The following ALDH3B2 variants were observed in gnomAD, a reference collection of about 807,000 sequenced individuals.
ALDH3B2 encodes aldehyde dehydrogenase family 3 member B2.
A neutral mutation model predicts 36.7 loss-of-function variants in ALDH3B2; 45 were observed. That is an observed-to-expected ratio of 1.23 (90% CI 0.97 to 1.57). ALDH3B2 has a LOEUF of 1.57. Among genes scored for constraint, ALDH3B2 ranks in the 40% most tolerant of loss-of-function variants. ALDH3B2 has a pLI of 0.00. For synonymous variants in ALDH3B2, 217 were observed against 226.5 expected (o/e 0.96, Z 0.38); for missense variants, 464 against 513.3 (o/e 0.90, Z 0.93).
chr11:67,677,298 C>T (rs146592069), upstream of ALDH3B2, among the ~76,000 whole-genome samples: 86 of 152,102 alleles, frequency 5.7e-4, 1 homozygote, highest in East Asian at 0.016. Context: ...GGTGGTTTAA[C>T]GTAGGAGGGT....
upstream of ALDH3B2, among the ~76,000 whole-genome samples, chr11:67,677,740 A>C (rs146928239): frequency 2.7e-3 from 405 of 152,304 alleles, 1 homozygote; most frequent in Non-Finnish European, 2.4e-3. Context: ...AAACTGATAA[A>C]AGAATTCAGC....
intron 1 of ALDH3B2, among the ~76,000 whole-genome samples, chr11:67,674,082 C>G (rs2279124): frequency 0.73 from 111,305 of 152,206 alleles, 42,496 homozygotes; most frequent in South Asian, 0.9. Context: ...GCCCCCGACC[C>G]AATCCTTGTC....
intron 1 of ALDH3B2, among the ~76,000 whole-genome samples, chr11:67,672,575 A>C (rs1396086678): frequency 6.6e-6 from 1 of 150,610 alleles, no homozygotes; most frequent in Non-Finnish European, 1.5e-5. Context: ...GCACGTCCTC[A>C]ACCTTGGCAA....
intron 1 of ALDH3B2, among the ~76,000 whole-genome samples, chr11:67,673,024 G>A (rs1215813791): frequency 3.4e-5 from 5 of 145,704 alleles, no homozygotes; most frequent in African/African-American, 1.3e-4. Context: ...TCCGCCTCCC[G>A]GGTTCACGTC....
intron 3 of ALDH3B2, 35 bp downstream of exon 3, chr11:67,666,871 G>T (rs770808847): frequency 1.2e-6 from 2 of 1,614,116 alleles, no homozygotes; most frequent in Middle Eastern, 1.7e-4. Context: ...CCGGTGCCCT[G>T]CCCTGCCCTC....
chr11:67,677,249 T>A (rs991156191), upstream of ALDH3B2, among the ~76,000 whole-genome samples: 1 of 151,948 alleles, frequency 6.6e-6, no homozygotes, highest in Non-Finnish European at 1.5e-5. Context: ...AAAAAGATAA[T>A]CCTCCATGAT....
chr11:67,672,148 ATTT>A (rs59262273), intron 1 of ALDH3B2, among the ~76,000 whole-genome samples: 2 of 96,156 alleles, frequency 2.1e-5, no homozygotes, highest in Non-Finnish European at 1.9e-5. Context: ...ATATATATGT[ATTT>A]TTTTTTTTTT....
chr11:67,667,789 G>A (rs1855962403), intron 1 of ALDH3B2, 154 bp from the exon 2 acceptor site: 1 of 184,990 alleles, frequency 5.4e-6, no homozygotes, highest in African/African-American at 2.4e-5. Context: ...CCACTCGAAT[G>A]ACCCCACGGG....
upstream of ALDH3B2, among the ~76,000 whole-genome samples, chr11:67,678,636 C>CATATATATATAT (rs34057662): frequency 8.2e-5 from 12 of 146,702 alleles, no homozygotes; most frequent in African/African-American, 3.0e-4. Context: ...TACTATGGTA[C>CATATATATATAT]ATATATATAT....
At chr11:67,665,222 G>T in intron 7 of ALDH3B2, 63 bp downstream of exon 7, 3 of 1,538,554 alleles carry the variant, frequency 1.9e-6, no homozygotes, top group East Asian at 2.3e-5. Flanking sequence ...TGGCCCAGCC[G>T]TGGGCCCTCC....
exon 7 of ALDH3B2, chr11:67,665,352 C>G (rs1855869075): frequency 6.2e-7 from 1 of 1,613,050 alleles, no homozygotes; most frequent in South Asian, 1.1e-5. Context: ...GCAATGCCCG[C>G]AGCCGCTGGA....
At chr11:67,674,920 G>A (rs1248662252), upstream of ALDH3B2, among the ~76,000 whole-genome samples, 2 of 152,168 alleles carry the variant, frequency 1.3e-5, no homozygotes, top group African/African-American at 4.8e-5. Context: ...CAGGATCCTG[G>A]TGGCAAATGC....
intron 9 of ALDH3B2, 123 bp from the exon 10 acceptor site, chr11:67,663,522 G>A (rs748391891): frequency 9.3e-6 from 13 of 1,393,322 alleles, no homozygotes; most frequent in Non-Finnish European, 1.3e-5. Context: ...GCCACTCACA[G>A]AGCCATTTTA....
intron 2 of ALDH3B2, 120 bp from the exon 3 acceptor site, chr11:67,667,136 G>C: frequency 1.6e-6 from 1 of 624,128 alleles, no homozygotes; most frequent in Non-Finnish European, 2.8e-6. Context: ...AGCTCCTATG[G>C]GAGGCACTGC....
At chr11:67,663,323 G>A (rs1375874305) in exon 10 of ALDH3B2, 1 of 1,614,072 alleles carries the variant, frequency 6.2e-7, no homozygotes, top group African/African-American at 1.3e-5. Context: ...GGCCGGAGGG[G>A]GCGAGCAGGC....
upstream of ALDH3B2, among the ~76,000 whole-genome samples, chr11:67,676,009 G>A (rs1856262309): frequency 1.3e-5 from 2 of 152,234 alleles, no homozygotes; most frequent in South Asian, 2.1e-4. Context: ...ACTTTGGGAG[G>A]CCGAAGCTGG....
chr11:67,663,261 T>G, exon 10 of ALDH3B2: 1 of 1,613,848 alleles, frequency 6.2e-7, no homozygotes, highest in Non-Finnish European at 8.5e-7. Flanking sequence ...GCGTAACAGC[T>G]GCTGGTTCCA....
intron 1 of ALDH3B2, among the ~76,000 whole-genome samples, chr11:67,668,308 G>T (rs1047446910): frequency 2.0e-5 from 3 of 152,298 alleles, no homozygotes; most frequent in Admixed American, 1.3e-4. Flanking sequence ...GTGGGGGTAG[G>T]TTGGCAGAGC....
In ALDH3B2 at chr11:67,666,327, A is replaced by G. The variant is rs779940477; in HGVS notation, c.226T>C (p.Tyr76His). 3 of 1,607,268 alleles carry G rather than the reference A, an allele frequency of 1.9e-6. No homozygotes were observed. In the South Asian group the frequency reaches 3.3e-5, roughly 18 times the overall value. ...AGGGCCACCCTCACCTGGTCCAGGT[A>G]CTGGGGCAGCACCTCAGCCAGGACC... is the stretch of plus-strand genomic sequence containing the variant. The change falls in exon 5 of 10, where the codon TAC (tyrosine) becomes CAC (histidine). Residue 76 changes from tyrosine (Y) to histidine (H), a missense_variant. Coordinates refer to ENST00000349015, the Ensembl canonical transcript of ALDH3B2.
Sources: allele counts gnomAD v4.1 joint callset (sites outside exome capture counted in the v4.1 genomes callset), GRCh38; gene constraint gnomAD v4.1.1; transcripts MANE v1.5; gene names NCBI Gene and HGNC (gene_info 2026-07-23, HGNC 2026-07-21).